Variants in OSTM1 observed in about 807,000 individuals in gnomAD.
OSTM1 encodes the protein osteoclastogenesis associated transmembrane protein 1, also known as osteopetrosis-associated transmembrane protein 1.
A neutral mutation model predicts 35.4 loss-of-function variants in OSTM1; 26 were observed. The ratio of observed to expected loss-of-function variants is 0.73; its 90% CI spans 0.54 to 1.02. OSTM1 has a LOEUF of 1.02. Among genes scored for constraint, OSTM1 ranks in the 50% least tolerant of loss-of-function variants. The pLI is 0.00. For missense variants in OSTM1, 366 were observed against 409.6 expected (o/e 0.89, Z 0.92); for synonymous variants, 181 against 165.0 (o/e 1.10, Z -0.75).
Position 108,041,914 on chromosome 6 carries a change from T to C in OSTM1, c.*2871A>G, listed in dbSNP as rs1771874198. ...TACTTGGAACATAATTTTTTAAATT[T>C]TAAATGGTTATATAGGTTAATAGTA... On this transcript the variant is annotated 3_prime_UTR_variant, in exon 6 of 6. Transcript: ENST00000193322. The C allele has an allele frequency of 6.6e-6, 1 of 152,156 alleles. No individual in the cohort carries two copies. Among genetic ancestry groups the C allele is most frequent in the Non-Finnish European group, 1.5e-5 (1 of 68,024 alleles). The allele number at this position is 152,156 out of a possible 1,614,324, so 9.4% of individuals were successfully genotyped here.
intron 5 of OSTM1, among the ~76,000 whole-genome samples, chr6:108,046,031 C>T (rs1005745280): frequency 1.4e-4 from 21 of 152,004 alleles, no homozygotes; most frequent in African/African-American, 2.4e-4. Flanking sequence ...GACGGACTCT[C>T]GGCTTTGTCA....
intron 1 of OSTM1, among the ~76,000 whole-genome samples, chr6:108,069,212 C>T (rs561548382): frequency 6.6e-6 from 1 of 152,300 alleles, no homozygotes; most frequent in Admixed American, 6.5e-5. Flanking sequence ...TGTCTTCAGA[C>T]TACAAGCTCT....
chr6:108,068,318 G>T (rs1389516836), intron 1 of OSTM1, among the ~76,000 whole-genome samples: 2 of 152,068 alleles, frequency 1.3e-5, no homozygotes, highest in African/African-American at 4.8e-5. Flanking sequence ...ACTCCCAAAG[G>T]TGTTATCTCT....
chr6:108,067,743 T>A (rs1772403676), intron 1 of OSTM1, among the ~76,000 whole-genome samples: 1 of 147,830 alleles, frequency 6.8e-6, no homozygotes, highest in African/African-American at 2.5e-5. Flanking sequence ...GGCTGGAGAA[T>A]CGCTTGAACC....
rs183573776 is a variant in OSTM1, at chr6:108,046,235, C to T, written c.950-1395G>A. 7.6e-3 allele frequency among the ~76,000 whole-genome samples: 1,077 copies of T among 141,978 alleles called. 11 individuals carry two copies. The highest frequency in any genetic ancestry group is 0.01 in the Non-Finnish European group (684 of 66,290). 93.1% of individuals were successfully genotyped at this position (141,978 alleles called of 152,430 possible). On this transcript the variant is annotated intron_variant, in intron 5 of 5. Coordinates refer to ENST00000193322, the MANE Select transcript of OSTM1 (RefSeq NM_014028.4). ...CAGGATTTCACCGTGTTAGCCAGGA[C>T]GGTCTTGATCTCCTGACCTCATGAT...
In OSTM1 at chr6:108,042,409, TTTTTC is replaced by T. The variant is rs1175026327; in HGVS notation, c.*2371_*2375del. The T allele has an allele frequency of 2.4e-5, 3 of 125,768 alleles. No individual in the cohort carries two copies. The highest frequency in any genetic ancestry group is 9.4e-5 in the African/African-American group (3 of 31,978). 7.8% of individuals were successfully genotyped at this position (125,768 alleles called of 1,614,324 possible). On this transcript the variant is annotated 3_prime_UTR_variant, in exon 6 of 6. Coordinates refer to ENST00000193322, the MANE Select transcript of OSTM1 (RefSeq NM_014028.4). ...AAATTTAAGACAGACAGTACTTTCT[TTTTTC>T]TTTTTTTTTTTTTTTTTTTGAGACA...
chr6:108,054,733 C>T, intron 2 of OSTM1, 146 bp from the exon 3 acceptor site: 1 of 452,154 alleles, frequency 2.2e-6, no homozygotes, highest in Non-Finnish European at 3.9e-6. Context: ...ATGAAGCTTA[C>T]TCCTTTTATT....
At chr6:108,061,718 T>C (rs922221052) in intron 2 of OSTM1, among the ~76,000 whole-genome samples, 1 of 151,394 alleles carries the variant, frequency 6.6e-6, no homozygotes, top group African/African-American at 2.4e-5. Flanking sequence ...TTCTTTTCTT[T>C]GTAGAGACTC....
At chr6:108,056,697 C>G (rs1008781990) in intron 2 of OSTM1, among the ~76,000 whole-genome samples, 4 of 152,196 alleles carry the variant, frequency 2.6e-5, no homozygotes, top group Non-Finnish European at 5.9e-5. Flanking sequence ...GTACAGCCCC[C>G]TTGTGCAGGG....
chr6:108,056,555 G>A (rs978977683), intron 2 of OSTM1, among the ~76,000 whole-genome samples: 1 of 152,206 alleles, frequency 6.6e-6, no homozygotes, highest in African/African-American at 2.4e-5. Context: ...AAACCTGGTA[G>A]ACAGGGGCAG....
At chr6:108,058,620 CA>C (rs1208884883) in intron 2 of OSTM1, among the ~76,000 whole-genome samples, 1 of 141,588 alleles carries the variant, frequency 7.1e-6, no homozygotes, top group Non-Finnish European at 1.6e-5. Context: ...ACTAAAAATA[CA>C]AAAAAAGTTA....
intron 2 of OSTM1, among the ~76,000 whole-genome samples, chr6:108,063,751 A>G (rs897940247): frequency 1.3e-5 from 2 of 152,226 alleles, no homozygotes; most frequent in Non-Finnish European, 2.9e-5. Flanking sequence ...AACAGTTAAC[A>G]TTTCTTGAAC....
intron 3 of OSTM1, among the ~76,000 whole-genome samples, chr6:108,052,851 A>G (rs1308892588): frequency 6.6e-6 from 1 of 152,182 alleles, no homozygotes; most frequent in Non-Finnish European, 1.5e-5. Context: ...TATCACTGCC[A>G]TTCTTTAGGA....
Position 108,069,515 on chromosome 6 carries a change from A to G in OSTM1, c.402+4735T>C, listed in dbSNP as rs185045375. On this transcript the variant is annotated intron_variant, in intron 1 of 5. Coordinates refer to ENST00000193322, the MANE Select transcript of OSTM1 (RefSeq NM_014028.4). Reference sequence around the variant, plus strand: ...GATAGATAGGTAGATGGATGGATCTATAGATCTAAATTTTAAACACTATCT... The same window carrying G: ...GATAGATAGGTAGATGGATGGATCTGTAGATCTAAATTTTAAACACTATCT... Among the ~76,000 whole-genome samples, 21 of 152,346 alleles carry G rather than the reference A, an allele frequency of 1.4e-4. No individual in the cohort carries two copies. In the East Asian group the frequency reaches 3.5e-3, roughly 25 times the overall value.
intron 3 of OSTM1, among the ~76,000 whole-genome samples, chr6:108,052,845 A>G (rs1324344834): frequency 1.3e-5 from 2 of 152,292 alleles, no homozygotes; most frequent in Non-Finnish European, 2.9e-5. Context: ...ATGGTTTATC[A>G]CTGCCATTCT....
Position 108,074,466 on chromosome 6 carries a change from G to C in OSTM1, c.186C>G (p.Leu62=), listed in dbSNP as rs1408094234. The C allele has an allele frequency of 6.4e-7, 1 of 1,556,908 alleles. No individual in the cohort carries two copies. Among genetic ancestry groups the C allele is most frequent in the African/African-American group, 1.4e-5 (1 of 73,416 alleles). ...LLEVEDLSLS[L]LQGGGLGPLS... ...GAGGCCCCAGCCCTCCACCCTGCAGGAGGGACAGGGACAAGTCCTCCACCT... is the reference window on the plus strand; with the variant it reads ...GAGGCCCCAGCCCTCCACCCTGCAGCAGGGACAGGGACAAGTCCTCCACCT... The change falls in exon 1 of 6, where the codon CTC becomes CTG. Residue 62 remains leucine, a synonymous_variant. Transcript: ENST00000193322.
rs1772542752 is a variant in OSTM1 at position 108,074,263 on chromosome 6, C to T, written c.389G>A (p.Ser130Asn). 2 of 1,612,380 alleles carry T rather than the reference C, an allele frequency of 1.2e-6. No homozygotes were observed. Among genetic ancestry groups the T allele is most frequent in the Non-Finnish European group, 1.7e-6 (2 of 1,179,958 alleles). ...TCCTGTACCCACCCCCGCGGCTCGG[C>T]TGATGTTGTCCATCTTGCTGACGAC... ...QQVVSKMDNISRAAGNTSESQ... is the reference protein window; with the variant it reads ...QQVVSKMDNINRAAGNTSESQ... The change falls in exon 1 of 6, where the codon AGC (serine) becomes AAC (asparagine). Residue 130 changes from serine to asparagine, a missense_variant. Ser to Asn is a conservative substitution (Grantham distance 46, BLOSUM62 1). Around this residue, in one of 3 missense-constraint regions of OSTM1, gnomAD observed 236 missense variants for 239.3 expected, o/e 0.99. Coordinates refer to ENST00000193322, the MANE Select transcript of OSTM1 (RefSeq NM_014028.4).
At chr6:108,061,594 T>C (rs569782297) in intron 2 of OSTM1, among the ~76,000 whole-genome samples, 17 of 152,192 alleles carry the variant, frequency 1.1e-4, no homozygotes, top group African/African-American at 3.1e-4. Flanking sequence ...GGCACAGTCA[T>C]AGCTCAATGT....
intron 2 of OSTM1, among the ~76,000 whole-genome samples, chr6:108,055,750 T>C (rs1201348812): frequency 6.6e-6 from 1 of 152,178 alleles, no homozygotes; most frequent in Non-Finnish European, 1.5e-5. Context: ...AAAATGATAA[T>C]GAAGGGACTC....
Sources: gnomAD v4.1 joint callset for allele counts (sites outside exome capture counted in the v4.1 genomes callset) on GRCh38, gnomAD v4.1.1 for gene constraint, gnomAD v4.1.1 regional missense constraint, MANE v1.5 for transcripts, NCBI Gene and HGNC (gene_info 2026-07-23, HGNC 2026-07-21) for gene names.